GAB1: variants seen among roughly 807,000 people sequenced by gnomAD.
GAB1 encodes GRB2 associated binding protein 1, also known as GRB2-associated-binding protein 1.
Under a neutral mutation model 66.5 loss-of-function variants are expected in GAB1, and 19 were observed. The observed-to-expected ratio is 0.29, with a 90% CI of 0.20 to 0.42. The LOEUF (loss-of-function observed/expected upper bound fraction) is 0.42, where lower values mean the gene tolerates loss of function less well. Ranked by LOEUF, GAB1 falls within the 10% of genes least tolerant of loss-of-function variation. The pLI is 1.00. For synonymous variants in GAB1, 294 were observed against 301.4 expected, an observed-to-expected ratio of 0.98 and a Z score of 0.25; for missense variants, 732 against 858.5, an observed-to-expected ratio of 0.85 and a Z score of 1.84.
intron 1 of GAB1, among the ~76,000 whole-genome samples, chr4:143,399,301 TC>T (rs1211159426): frequency 1.3e-5 from 2 of 152,180 alleles, no homozygotes; most frequent in African/African-American, 4.8e-5. Flanking sequence ...AAGGCAATGA[TC>T]AAAAGTCCAA....
chr4:143,362,292 C>G (rs1246706968), intron 1 of GAB1, among the ~76,000 whole-genome samples: 2 of 152,076 alleles, frequency 1.3e-5, no homozygotes, highest in African/African-American at 4.8e-5. Context: ...ATAGCAGCAT[C>G]CATATGTTAC....
intron 1 of GAB1, among the ~76,000 whole-genome samples, chr4:143,340,651 TA>T (rs1212654718): frequency 7.2e-5 from 11 of 152,252 alleles, no homozygotes; most frequent in Non-Finnish European, 1.3e-4. Flanking sequence ...GCTGGGATTA[TA>T]GGCATCCCCC....
Position 143,440,222 on chromosome 4 carries a change from G to T in GAB1, c.1425G>T (p.Met475Ile). Residue 475 changes from methionine (M) to isoleucine (I), a missense_variant, in exon 6 of 10, where the codon ATG (methionine) becomes ATT (isoleucine). Around this residue, in one of 4 missense-constraint regions of GAB1, gnomAD observed 204 missense variants for 276.8 expected, o/e 0.74. Transcript: ENST00000262994. ...EPIQEANYVPMTPGTFDFSSF... is the reference protein window; with the variant it reads ...EPIQEANYVPITPGTFDFSSF... ...TTCAGGAAGCAAATTATGTGCCAAT[G>T]ACTCCAGGAACATTTGATTTTTCCT... 4 of 1,614,108 alleles carry T rather than the reference G, an allele frequency of 2.5e-6. No homozygotes were observed. Among genetic ancestry groups the T allele is most frequent in the Non-Finnish European group, 3.4e-6 (4 of 1,180,014 alleles).
chr4:143,457,711 C>G, intron 6 of GAB1: 1 of 1,569,202 alleles, frequency 6.4e-7, no homozygotes, highest in African/African-American at 1.4e-5. Flanking sequence ...GACTCAAACC[C>G]CATGGTTTAG....
At chr4:143,444,126 A>T (rs1047127754) in intron 6 of GAB1, among the ~76,000 whole-genome samples, 1 of 152,164 alleles carries the variant, frequency 6.6e-6, no homozygotes, top group African/African-American at 2.4e-5. Flanking sequence ...TATATTTCTG[A>T]TGGAAAGGGA....
intron 1 of GAB1, among the ~76,000 whole-genome samples, chr4:143,385,419 G>A (rs1317107809): frequency 6.6e-6 from 1 of 152,188 alleles, no homozygotes; most frequent in Admixed American, 6.5e-5. Context: ...TTTATGAAAA[G>A]ATGCCCAAAA....
chr4:143,386,455 A>G (rs1730920046), intron 1 of GAB1, among the ~76,000 whole-genome samples: 2 of 152,086 alleles, frequency 1.3e-5, no homozygotes, highest in South Asian at 4.1e-4. Flanking sequence ...TGGTGTGATC[A>G]TGGTTCACTG....
intron 1 of GAB1, among the ~76,000 whole-genome samples, chr4:143,370,083 G>A (rs567957295): frequency 2.0e-5 from 3 of 152,238 alleles, no homozygotes; most frequent in Admixed American, 6.5e-5. Context: ...GGTGGGAGGC[G>A]GATGGCACAC....
At chr4:143,392,863 TG>T (rs1219857633) in intron 1 of GAB1, among the ~76,000 whole-genome samples, 1 of 152,136 alleles carries the variant, frequency 6.6e-6, no homozygotes, top group African/African-American at 2.4e-5. Context: ...GTAAAGAAGA[TG>T]GATATCTGAG....
In GAB1 at chr4:143,472,769, G is replaced by A. The variant is rs1467883022; in HGVS notation, c.*3580G>A. The A allele has an allele frequency of 6.6e-6, 1 of 152,098 alleles. No individual in the cohort carries two copies. Among genetic ancestry groups the A allele is most frequent in the Non-Finnish European group, 1.5e-5 (1 of 68,020 alleles). 9.4% of individuals were successfully genotyped at this position (152,098 alleles called of 1,614,324 possible). ...GCAATCAGGTCCGTGACAGGGATTG[G>A]ACATATGAACAAATTAAGTGGATAC... is the stretch of plus-strand genomic sequence containing the variant. On this transcript the variant is annotated 3_prime_UTR_variant, in exon 10 of 10. Transcript: ENST00000262994.
intron 1 of GAB1, among the ~76,000 whole-genome samples, chr4:143,368,908 C>T (rs1393673946): frequency 6.6e-6 from 1 of 152,090 alleles, no homozygotes; most frequent in African/African-American, 2.4e-5. Context: ...CCTTAGCCTC[C>T]CGAGTAGCTG....
intron 2 of GAB1, chr4:143,426,112 T>C (rs986400511): frequency 2.1e-6 from 1 of 479,986 alleles, no homozygotes; most frequent in African/African-American, 1.9e-5. Context: ...AGTTAGAGGT[T>C]GGTTCACCTT....
At chr4:143,423,586 C>G (rs1366193825) in intron 2 of GAB1, among the ~76,000 whole-genome samples, 1 of 151,374 alleles carries the variant, frequency 6.6e-6, no homozygotes, top group African/African-American at 2.4e-5. Context: ...GTCATCCTGG[C>G]TAACACAGTG....
intron 1 of GAB1, among the ~76,000 whole-genome samples, chr4:143,340,990 G>C (rs1475647703): frequency 6.6e-6 from 1 of 152,206 alleles, no homozygotes; most frequent in African/African-American, 2.4e-5. Flanking sequence ...ACAAAAAAAT[G>C]AAAGTCAAGA....
chr4:143,400,935 C>T (rs1022549680), intron 1 of GAB1, among the ~76,000 whole-genome samples: 28 of 150,376 alleles, frequency 1.9e-4, no homozygotes, highest in African/African-American at 2.9e-4. Flanking sequence ...CACCACTGTA[C>T]TCCAGCCTGG....
chr4:143,409,186 T>C (rs1560748867), intron 1 of GAB1, among the ~76,000 whole-genome samples: 1 of 152,096 alleles, frequency 6.6e-6, no homozygotes, highest in Non-Finnish European at 1.5e-5. Flanking sequence ...TTGAGCTAGG[T>C]CTTGAAGGAT....
chr4:143,365,023 G>A (rs1330799645), intron 1 of GAB1, among the ~76,000 whole-genome samples: 1 of 151,414 alleles, frequency 6.6e-6, no homozygotes, highest in Non-Finnish European at 1.5e-5. Context: ...GACTACAGGC[G>A]CCCGCCACCA....
chr4:143,438,711 CCA>C (rs1170926081), intron 4 of GAB1, 111 bp downstream of exon 4: 2 of 1,114,902 alleles, frequency 1.8e-6, no homozygotes, highest in African/African-American at 3.1e-5. Flanking sequence ...AAAATACAGT[CCA>C]TTTTTTTCCA....
chr4:143,338,326 T>G (rs1728724949), intron 1 of GAB1, among the ~76,000 whole-genome samples: 1 of 152,206 alleles, frequency 6.6e-6, no homozygotes, highest in African/African-American at 2.4e-5. Context: ...CCCTTAAATA[T>G]AATATAAATT....
Sources: allele counts gnomAD v4.1 joint callset (sites outside exome capture counted in the v4.1 genomes callset), GRCh38; gene constraint gnomAD v4.1.1; regional missense constraint gnomAD v4.1.1; transcripts MANE v1.5; gene names NCBI Gene and HGNC (gene_info 2026-07-23, HGNC 2026-07-21).